The following BLM variants were observed in gnomAD, a reference collection of about 807,000 sequenced individuals.
BLM encodes the protein recQ-like DNA helicase BLM.
BLM carries 95 observed loss-of-function variants against 135.3 expected under a neutral mutation model. The ratio of observed to expected loss-of-function variants is 0.70; its 90% CI spans 0.59 to 0.83. BLM has a LOEUF of 0.83. Ranked by LOEUF, BLM falls within the 40% of genes least tolerant of loss-of-function variation. The probability of loss-of-function intolerance (pLI) is 0.00; values close to 1 mark genes in which losing one functional copy is unlikely to be tolerated. For missense variants in BLM, 1,518 were observed against 1,663.9 expected, an observed-to-expected ratio of 0.91 and a Z score of 1.53; for synonymous variants, 520 against 589.2, an observed-to-expected ratio of 0.88 and a Z score of 1.70.
intron 1 of BLM, among the ~76,000 whole-genome samples, chr15:90,730,500 A>C (rs987519763): frequency 1.3e-5 from 2 of 151,960 alleles, no homozygotes; most frequent in African/African-American, 4.8e-5. Context: ...CCCAGGCTGG[A>C]GTGCAGTGGC....
intron 13 of BLM, among the ~76,000 whole-genome samples, chr15:90,784,567 C>A (rs1896697500): frequency 6.6e-6 from 1 of 151,698 alleles, no homozygotes; most frequent in Non-Finnish European, 1.5e-5. Flanking sequence ...AACTCCCGAC[C>A]TCAAATGATC....
intron 1 of BLM, among the ~76,000 whole-genome samples, chr15:90,742,882 C>T (rs576779758): frequency 3.3e-5 from 5 of 151,044 alleles, no homozygotes; most frequent in East Asian, 2.0e-4. Flanking sequence ...GCGATCCTCC[C>T]GCTTTGGCTT....
intron 1 of BLM, among the ~76,000 whole-genome samples, chr15:90,744,580 C>CA (rs1895450391): frequency 6.6e-6 from 1 of 152,000 alleles, no homozygotes; most frequent in Non-Finnish European, 1.5e-5. Flanking sequence ...CCATATTGGC[C>CA]AGGTTGGTCT....
At chr15:90,783,769 T>C (rs1463622528) in intron 13 of BLM, among the ~76,000 whole-genome samples, 1 of 152,124 alleles carries the variant, frequency 6.6e-6, no homozygotes, top group Non-Finnish European at 1.5e-5. Flanking sequence ...CACGCACCTG[T>C]AATTCCAGCT....
In BLM at chr15:90,749,756, C is replaced by T. The variant is rs745819553; in HGVS notation, c.488C>T (p.Ser163Phe). The T allele has an allele frequency of 1.2e-5, 20 of 1,613,412 alleles. No individual in the cohort carries two copies. Among genetic ancestry groups the T allele is most frequent in the Non-Finnish European group, 1.6e-5 (19 of 1,179,652 alleles). The part of the protein sequence containing the change: ...DWDDMDDFDT[S>F]ETSKSFVTPP... ...GATGATATGGATGACTTTGATACTT[C>T]TGAGACTTCAAAATCATTTGTTACA... Residue 163 changes from serine to phenylalanine, a missense_variant, in exon 3 of 22, where the codon TCT becomes TTT. This residue lies in a region of BLM where 724 missense variants were observed against 756.9 expected (regional missense o/e 0.96). Transcript: ENST00000355112.
In BLM at chr15:90,762,890, G is replaced by C. The variant is rs910938556; in HGVS notation, c.1883-76G>C. ...GGAAACGTGTGCCAGTGATTCTGCA[G>C]GGCAAGGGAAATGCTAAAGCTGTAC... On this transcript the variant is annotated intron_variant, in intron 7 of 21. Coordinates refer to ENST00000355112, the MANE Select transcript of BLM (RefSeq NM_000057.4). The C allele has an allele frequency of 3.7e-6, 5 of 1,356,068 alleles. No homozygotes were observed. In the African/African-American group the frequency reaches 7.3e-5, roughly 20 times the overall value. 84.0% of individuals were successfully genotyped at this position (1,356,068 alleles called of 1,614,324 possible). A position where few individuals can be genotyped will look rare whatever the true frequency, so the allele number is the denominator to read the frequency against.
chr15:90,759,731 C>G (rs1017094602), intron 5 of BLM, among the ~76,000 whole-genome samples: 3 of 151,828 alleles, frequency 2.0e-5, no homozygotes, highest in African/African-American at 7.3e-5. Context: ...CTCAGCCTCC[C>G]GAGTAGCTGG....
At chr15:90,790,982 A>G (rs1344464359) in intron 15 of BLM, 138 bp downstream of exon 15, 2 of 839,166 alleles carry the variant, frequency 2.4e-6, no homozygotes, top group Admixed American at 2.5e-5. Context: ...CAGATTGGCA[A>G]TTTTATTTTA....
intron 1 of BLM, among the ~76,000 whole-genome samples, chr15:90,723,728 A>G (rs1156595607): frequency 1.3e-5 from 2 of 152,166 alleles, no homozygotes; most frequent in Non-Finnish European, 2.9e-5. Flanking sequence ...CACAGCCACA[A>G]TGTTGTATGG....
intron 12 of BLM, among the ~76,000 whole-genome samples, chr15:90,777,416 G>C (rs1417615388): frequency 6.6e-6 from 1 of 152,180 alleles, no homozygotes; most frequent in Non-Finnish European, 1.5e-5. Flanking sequence ...GCCTCTGAAA[G>C]TGCTGGGATT....
intron 14 of BLM, among the ~76,000 whole-genome samples, chr15:90,789,379 C>T (rs1896841077): frequency 6.6e-6 from 1 of 152,190 alleles, no homozygotes; most frequent in African/African-American, 2.4e-5. Flanking sequence ...AGGCTGCAGG[C>T]GGTGCCTCAC....
chr15:90,812,579 T>G (rs1353687521), intron 21 of BLM, among the ~76,000 whole-genome samples: 2 of 152,136 alleles, frequency 1.3e-5, no homozygotes, highest in Non-Finnish European at 2.9e-5. Context: ...CCATCAGTCT[T>G]GAGAACTTGA....
chr15:90,794,106 C>T, intron 15 of BLM, 61 bp from the exon 16 acceptor site: 2 of 1,243,584 alleles, frequency 1.6e-6, no homozygotes, highest in South Asian at 2.7e-5. Flanking sequence ...CTAAATATTT[C>T]TATGATATGC....
intron 12 of BLM, among the ~76,000 whole-genome samples, chr15:90,777,648 GTA>G (rs1896514736): frequency 1.3e-5 from 2 of 152,276 alleles, no homozygotes; most frequent in East Asian, 3.9e-4. Context: ...ACAAGAAACA[GTA>G]GAATCTAACT....
intron 5 of BLM, among the ~76,000 whole-genome samples, chr15:90,755,976 T>G (rs1382218576): frequency 2.6e-5 from 4 of 152,184 alleles, no homozygotes; most frequent in African/African-American, 9.6e-5. Context: ...TTTTTGTGGT[T>G]TATTTTGGAC....
Position 90,761,068 on chromosome 15 carries a change from T to C in BLM, c.1695T>C (p.Asp565=), listed in dbSNP as rs1343910502. Residue 565 remains aspartate, a synonymous_variant, in exon 7 of 22, where the codon GAT becomes GAC. Coordinates refer to ENST00000355112, the MANE Select transcript of BLM (RefSeq NM_000057.4). ...NFDIDDFDDD[D]DWEDIMHNLA... is the part of the protein sequence containing the mutation. ...ACATAGATGACTTTGATGATGATGA[T>C]GACTGGGAAGACATAATGCATAATT... 1 of 1,579,550 alleles carries C rather than the reference T, an allele frequency of 6.3e-7. No homozygotes were observed. Among genetic ancestry groups the C allele is most frequent in the East Asian group, 2.2e-5 (1 of 44,640 alleles).
chr15:90,811,057 G>C (rs1897401668), intron 20 of BLM, 148 bp from the exon 21 acceptor site: 1 of 776,412 alleles, frequency 1.3e-6, no homozygotes, highest in Non-Finnish European at 2.2e-6. Flanking sequence ...AAAAAGGTTT[G>C]GTTCTTGCTG....
rs1181856729 is a variant in BLM, at chr15:90,816,159, T to C, written c.*880T>C. 6.7e-6 allele frequency: 1 copy of C among 149,100 alleles called. No individual in the cohort carries two copies. The allele number at this position is 149,100 out of a possible 1,614,324, so 9.2% of individuals were successfully genotyped here. ...TCAATCTCCATGAATAAAAATATGA[T>C]AAAACCATGTGAGACCATTCTTTTG... On this transcript the variant is annotated 3_prime_UTR_variant, in exon 22 of 22. Coordinates refer to ENST00000355112, the MANE Select transcript of BLM (RefSeq NM_000057.4).
chr15:90,747,259 AAAAAG>A, intron 1 of BLM, 125 bp from the exon 2 acceptor site: 2 of 626,862 alleles, frequency 3.2e-6, no homozygotes, highest in Non-Finnish European at 5.4e-6. Context: ...AAAAAAAAAA[AAAAAG>A]TCCTATTACT....
Sources: allele counts gnomAD v4.1 joint callset (sites outside exome capture counted in the v4.1 genomes callset), GRCh38; gene constraint gnomAD v4.1.1; regional missense constraint gnomAD v4.1.1; transcripts MANE v1.5; gene names NCBI Gene and HGNC (gene_info 2026-07-23, HGNC 2026-07-21).